NCF2: variants seen among roughly 807,000 people sequenced by gnomAD.
NCF2 encodes neutrophil cytosolic factor 2.
In NCF2, 45 loss-of-function variants were observed where a neutral mutation model predicts 70.9. The ratio of observed to expected loss-of-function variants is 0.63; its 90% CI spans 0.50 to 0.81. The LOEUF is 0.81. NCF2 is among the 40% of genes least tolerant of loss of function. NCF2 has a pLI of 0.00. For missense variants in NCF2, 522 were observed against 631.6 expected (o/e 0.83, Z 1.86); for synonymous variants, 203 against 233.6 (o/e 0.87, Z 1.19).
chr1:183,581,281 C>CAAAAAA (rs1303349542), intron 2 of NCF2, among the ~76,000 whole-genome samples: 3,585 of 66,686 alleles, frequency 0.054, 235 homozygotes, highest in East Asian at 0.17. Context: ...AATCCTGACT[C>CAAAAAA]AAAAAAAAAA....
intron 7 of NCF2, among the ~76,000 whole-genome samples, chr1:183,568,850 G>A (rs1284255426): frequency 2.0e-5 from 3 of 151,994 alleles, no homozygotes; most frequent in East Asian, 1.9e-4. Context: ...GGCTGTGCAC[G>A]TGGACAGAGG....
intron 2 of NCF2, among the ~76,000 whole-genome samples, chr1:183,586,021 T>G (rs1673332102): frequency 6.6e-6 from 1 of 152,226 alleles, no homozygotes; most frequent in Admixed American, 6.5e-5. Context: ...CTATATGAAC[T>G]GTTTTGAAAT....
upstream of NCF2, among the ~76,000 whole-genome samples, chr1:183,591,350 C>G (rs548359374): frequency 2.6e-5 from 4 of 152,256 alleles, no homozygotes; most frequent in Middle Eastern, 3.4e-3. Context: ...TGAATGAATT[C>G]CTTGCTCACT....
chr1:183,572,708 T>C (rs904393239), intron 5 of NCF2, among the ~76,000 whole-genome samples: 4 of 152,186 alleles, frequency 2.6e-5, no homozygotes, highest in African/African-American at 9.6e-5. Flanking sequence ...GGTGCAATCA[T>C]AGCTCACTGT....
intron 2 of NCF2, among the ~76,000 whole-genome samples, chr1:183,585,296 A>G (rs1026907867): frequency 2.0e-4 from 30 of 151,708 alleles, no homozygotes; most frequent in Admixed American, 1.4e-3. Context: ...CCCTCACCCC[A>G]CCCACACCAT....
At chr1:183,584,467 C>T (rs993570846) in intron 2 of NCF2, among the ~76,000 whole-genome samples, 1 of 152,188 alleles carries the variant, frequency 6.6e-6, no homozygotes, top group African/African-American at 2.4e-5. Context: ...TATTACCAAT[C>T]ACAGATTAAT....
intron 3 of NCF2, among the ~76,000 whole-genome samples, chr1:183,577,074 C>G (rs761643153): frequency 6.6e-6 from 1 of 152,138 alleles, no homozygotes; most frequent in African/African-American, 2.4e-5. Context: ...CAGATTTATG[C>G]CAAATTATCC....
At chr1:183,556,279 A>T in intron 14 of NCF2, 49 bp from the exon 15 acceptor site, 1 of 1,512,054 alleles carries the variant, frequency 6.6e-7, no homozygotes, top group Admixed American at 1.7e-5. Context: ...CTGTAGGAAG[A>T]TTACCCTGTC....
chr1:183,595,487 T>C (rs1673748608), upstream of NCF2, among the ~76,000 whole-genome samples: 1 of 151,966 alleles, frequency 6.6e-6, no homozygotes, highest in African/African-American at 2.4e-5. Flanking sequence ...GGGTCAGGAG[T>C]CTGGGCACGG....
chr1:183,590,652 C>A, upstream of NCF2: 1 of 398,544 alleles, frequency 2.5e-6, no homozygotes, highest in Middle Eastern at 8.0e-4. Flanking sequence ...ATCAGTTCCC[C>A]AAAATGCTTC....
At chr1:183,590,519 C>T (rs1466062470), upstream of NCF2, 3 of 685,842 alleles carry the variant, frequency 4.4e-6, no homozygotes, top group African/African-American at 3.5e-5. Context: ...GAAATGTCCC[C>T]ACCTTTTGGC....
In NCF2 at chr1:183,567,332, C is replaced by T; in HGVS notation, c.727G>A (p.Glu243Lys). The T allele has an allele frequency of 1.2e-6, 2 of 1,614,138 alleles. No individual in the cohort carries two copies. The highest frequency in any genetic ancestry group is 1.1e-5 in the South Asian group (1 of 91,092). The change falls in exon 8 of 15, where the codon GAG (glutamate) becomes AAG (lysine). Residue 243 changes from glutamate (E) to lysine (K), a missense_variant. Physicochemically the swap from Glu to Lys is moderately conservative, Grantham distance 56. Coordinates refer to ENST00000367535, the MANE Select transcript of NCF2 (RefSeq NM_000433.4). The part of the protein sequence containing the change: ...TPEIFRALEG[E>K]AHRVLFGFVP... ...AACCCAAATAGCACACGGTGAGCCT[C>T]CCCTTCCAGAGCCCTGCAGAGGATA...
chr1:183,565,765 C>T lies in NCF2; in HGVS notation c.939G>A (p.Pro313=), dbSNP rs556389548. Residue 313 remains proline (P), a synonymous_variant, in exon 10 of 15, where the codon CCG becomes CCA. Coordinates refer to ENST00000367535, the MANE Select transcript of NCF2 (RefSeq NM_000433.4). ...TAGGAGGAGCTGGGATGTCGGACTG[C>T]GGAGAGCTTTCCTCCTGAAGGCAAC... is the stretch of plus-strand genomic sequence containing the variant. The part of the protein sequence containing the change: ...PQQQPQEESS[P]QSDIPAPPSS... 2.4e-5 allele frequency: 39 copies of T among 1,613,478 alleles called. 1 individual carries two copies. The highest frequency in any genetic ancestry group is 1.0e-4 in the Admixed American group (6 of 60,018).
At chr1:183,581,315 A>G (rs12119260) in intron 2 of NCF2, among the ~76,000 whole-genome samples, 1 of 143,536 alleles carries the variant, frequency 7.0e-6, no homozygotes, top group African/African-American at 2.6e-5. Context: ...AGAAAGAAAG[A>G]AAAGAAAGTC....
At position 183,570,842 on chromosome 1, in the gene NCF2, A is replaced by G. The variant is rs1464536922; in HGVS notation, c.610-3T>C. ...TGATCCACCACAGATGCCACGACCT[A>G]AAATCAAGGACAGGAGGGTGTGAGG... is the stretch of plus-strand genomic sequence containing the variant. On this transcript the variant is annotated splice_polypyrimidine_tract_variant and splice_region_variant and intron_variant, in intron 5 of 14. Coordinates refer to ENST00000367535, the MANE Select transcript of NCF2 (RefSeq NM_000433.4). The G allele has an allele frequency of 5.6e-6, 9 of 1,614,106 alleles. No homozygotes were observed. In the Admixed American group the frequency reaches 6.7e-5, roughly 12 times the overall value.
intron 2 of NCF2, among the ~76,000 whole-genome samples, chr1:183,579,357 G>C (rs976447543): frequency 2.0e-5 from 3 of 152,126 alleles, no homozygotes; most frequent in Non-Finnish European, 2.9e-5. Flanking sequence ...TTGAGTCTTG[G>C]CTCCGTCACT....
intron 2 of NCF2, among the ~76,000 whole-genome samples, chr1:183,584,469 C>T (rs1057365612): frequency 1.3e-5 from 2 of 152,202 alleles, no homozygotes; most frequent in Admixed American, 1.3e-4. Flanking sequence ...TTACCAATCA[C>T]AGATTAATTG....
At chr1:183,569,246 CA>C in intron 6 of NCF2, 61 bp from the exon 7 acceptor site, 1 of 1,419,034 alleles carries the variant, frequency 7.0e-7, no homozygotes, top group Middle Eastern at 1.8e-4. Flanking sequence ...AGGGGAGAGA[CA>C]ACAAACGGCT....
chr1:183,586,995 C>T lies in NCF2; in HGVS notation c.175-18G>A. On this transcript the variant is annotated intron_variant, in intron 1 of 14. Transcript: ENST00000367535. ...GTAAAGGCCTGAGGAGAGAAGGGTC[C>T]AGACATGGCCATGATGCAAGGCAGT... 1 of 1,605,948 alleles carries T rather than the reference C, an allele frequency of 6.2e-7. No homozygotes were observed. Among genetic ancestry groups the T allele is most frequent in the Non-Finnish European group, 8.5e-7 (1 of 1,172,840 alleles).
Sources: allele counts gnomAD v4.1 joint callset (sites outside exome capture counted in the v4.1 genomes callset), GRCh38; gene constraint gnomAD v4.1.1; transcripts MANE v1.5; gene names NCBI Gene and HGNC (gene_info 2026-07-23, HGNC 2026-07-21).